Variants in LAMB4 observed in about 807,000 individuals in gnomAD.
The protein encoded by LAMB4 is laminin subunit beta 4.
A neutral mutation model predicts 199.2 loss-of-function variants in LAMB4; 196 were observed. The observed-to-expected ratio is 0.98, with a 90% CI of 0.88 to 1.11. The LOEUF is 1.11. Among genes scored for constraint, LAMB4 ranks in the 50% least tolerant of loss-of-function variants. LAMB4 has a pLI of 0.00. For synonymous variants in LAMB4, 744 were observed against 770.6 expected (o/e 0.97, Z 0.57); for missense variants, 2,080 against 2,171.2 (o/e 0.96, Z 0.83).
At chr7:108,027,162 G>C (rs1314828253) in intron 33 of LAMB4, among the ~76,000 whole-genome samples, 1 of 152,038 alleles carries the variant, frequency 6.6e-6, no homozygotes, top group African/African-American at 2.4e-5. Context: ...TGACTTTCAT[G>C]GTATTGTCTG....
chr7:108,075,715 T>A (rs2150571311), intron 17 of LAMB4: 1 of 152,352 alleles, frequency 6.6e-6, no homozygotes, highest in Non-Finnish European at 1.5e-5. Flanking sequence ...ATCCCAGCAC[T>A]TTGGGAGGCT....
intron 31 of LAMB4, among the ~76,000 whole-genome samples, chr7:108,033,701 G>A (rs905702789): frequency 3.3e-5 from 5 of 149,306 alleles, no homozygotes; most frequent in Non-Finnish European, 5.9e-5. Flanking sequence ...GAGCAACCAT[G>A]CCTGGCCAGA....
chr7:108,039,747 G>A (rs1296963077), intron 29 of LAMB4, among the ~76,000 whole-genome samples: 1 of 152,298 alleles, frequency 6.6e-6, no homozygotes, highest in East Asian at 1.9e-4. Context: ...GGGATTACAG[G>A]CGTGAGCCTC....
intron 17 of LAMB4, among the ~76,000 whole-genome samples, chr7:108,073,206 A>T (rs1219064318): frequency 1.3e-5 from 2 of 152,188 alleles, no homozygotes; most frequent in Non-Finnish European, 2.9e-5. Flanking sequence ...GGGTTTTGCC[A>T]TGTTGGCCAG....
intron 11 of LAMB4, among the ~76,000 whole-genome samples, chr7:108,096,809 T>C (rs1406769619): frequency 6.7e-6 from 1 of 150,064 alleles, no homozygotes; most frequent in Non-Finnish European, 1.5e-5. Context: ...TGGTGGCACA[T>C]GCTTGTAGTT....
chr7:108,024,310 A>G, intron 33 of LAMB4, 132 bp from the exon 34 acceptor site: 1 of 475,936 alleles, frequency 2.1e-6, no homozygotes, highest in Non-Finnish European at 3.6e-6. Context: ...GATTCAATGG[A>G]TAAATCATCT....
chr7:108,087,879 G>A (rs1184532874), intron 14 of LAMB4, among the ~76,000 whole-genome samples: 1 of 152,138 alleles, frequency 6.6e-6, no homozygotes, highest in Admixed American at 6.5e-5. Flanking sequence ...GATTTCTTTG[G>A]GCTTGGTTTT....
chr7:108,012,206 G>A, the LAMB4 span, among the ~76,000 whole-genome samples: 1 of 151,076 alleles, frequency 6.6e-6, no homozygotes, highest in Non-Finnish European at 1.5e-5. Flanking sequence ...TCTAGAAGGA[G>A]ACATAGAAAT....
At chr7:108,011,719 C>T in the LAMB4 span, among the ~76,000 whole-genome samples, 1 of 152,068 alleles carries the variant, frequency 6.6e-6, no homozygotes, top group African/African-American at 2.4e-5. Flanking sequence ...GCACTCGGCC[C>T]ACTCTCATTC....
intron 10 of LAMB4, among the ~76,000 whole-genome samples, chr7:108,100,996 G>C (rs1006675206): frequency 6.6e-6 from 1 of 152,154 alleles, no homozygotes; most frequent in African/African-American, 2.4e-5. Flanking sequence ...ATCACTTAAA[G>C]TTTGAAATCT....
At position 108,119,528 on chromosome 7, in the gene LAMB4, C is replaced by T. The variant is rs74698467; in HGVS notation, c.35-3367G>A. ...CGGAGTGAAAAAAGGTTATGTACTGCATAATTCTATTTGTATCACATTACT... is the reference window on the plus strand; with the variant it reads ...CGGAGTGAAAAAAGGTTATGTACTGTATAATTCTATTTGTATCACATTACT... On this transcript the variant is annotated intron_variant, in intron 2 of 33. Transcript: ENST00000388781. Among the ~76,000 whole-genome samples the T allele has an allele frequency of 2.5e-3, 382 of 152,252 alleles. 12 individuals are homozygous for T. The East Asian group carries it at 0.066, about 26-fold the overall frequency.
chr7:108,037,706 GCCC>G, intron 29 of LAMB4, 111 bp from the exon 30 acceptor site: 2 of 757,080 alleles, frequency 2.6e-6, no homozygotes, highest in Non-Finnish European at 4.5e-6. Context: ...TTGATTATGT[GCCC>G]CTAGAATACA....
In LAMB4 at chr7:108,068,031, G is replaced by A. The variant is rs1350341531; in HGVS notation, c.2431C>T (p.His811Tyr). 6.2e-7 allele frequency: 1 copy of A among 1,614,152 alleles called. No homozygotes were observed. The highest frequency in any genetic ancestry group is 8.5e-7 in the Non-Finnish European group (1 of 1,180,028). Residue 811 changes from histidine to tyrosine, a missense_variant, in exon 19 of 34, where the codon CAT (histidine) becomes TAT (tyrosine). Transcript: ENST00000388781. ...RCSTGSYDLG[H>Y]HGCHPCHCHP... ...TGCTACGTACGGTGACAGCCGTGAT[G>A]CCCCAAATCATAGCTTCCAGTTGAG...
intron 16 of LAMB4, 146 bp downstream of exon 16, chr7:108,078,055 T>C: frequency 1.6e-6 from 1 of 610,230 alleles, no homozygotes; most frequent in Non-Finnish European, 2.9e-6. Flanking sequence ...ATGTAAAGCA[T>C]AGTGCAGCAC....
At chr7:108,088,000 G>T (rs1385792388) in intron 14 of LAMB4, among the ~76,000 whole-genome samples, 1 of 152,038 alleles carries the variant, frequency 6.6e-6, no homozygotes, top group Non-Finnish European at 1.5e-5. Context: ...TTCATTTACG[G>T]CATGTGACTG....
chr7:108,077,049 G>T lies in LAMB4; in HGVS notation c.2019C>A (p.Pro673=). The T allele has an allele frequency of 6.2e-7, 1 of 1,613,654 alleles. No individual in the cohort carries two copies. The highest frequency in any genetic ancestry group is 2.2e-5 in the East Asian group (1 of 44,864). ...CATCTGGTTCTAAACAGATGGGTGT[G>T]GGAAGCAGCATGATTCTGTATTAAG... The part of the protein sequence containing the change: ...LPAATRIMLL[P]TPICLEPDVQ... Residue 673 remains proline (P), a synonymous_variant, in exon 17 of 34, where the codon CCC becomes CCA. Transcript: ENST00000388781.
the LAMB4 span, among the ~76,000 whole-genome samples, chr7:108,016,871 G>T: frequency 1.3e-5 from 2 of 152,118 alleles, no homozygotes; most frequent in Non-Finnish European, 2.9e-5. Flanking sequence ...GTGCCATGTT[G>T]GGATGACTGG....
chr7:108,069,859 T>G lies in LAMB4; in HGVS notation c.2151A>C (p.Ser717=). 6.2e-7 allele frequency: 1 copy of G among 1,613,330 alleles called. No homozygotes were observed. The highest frequency in any genetic ancestry group is 8.5e-7 in the Non-Finnish European group (1 of 1,179,472). Residue 717 remains serine (S), a synonymous_variant, in exon 18 of 34, where the codon TCA becomes TCC. Coordinates refer to ENST00000388781, the MANE Select transcript of LAMB4 (RefSeq NM_007356.3). ...CCTGCTTGCTGCAGAAATTCTCCAATGAATTGATTTGGGGAATAAGGCCAA... is the reference window on the plus strand; with the variant it reads ...CCTGCTTGCTGCAGAAATTCTCCAAGGAATTGATTTGGGGAATAAGGCCAA... ...DSLGLIPQIN[S]LENFCSKQDL...
At chr7:108,087,270 G>A (rs553354963) in intron 14 of LAMB4, among the ~76,000 whole-genome samples, 1 of 152,214 alleles carries the variant, frequency 6.6e-6, no homozygotes, top group Admixed American at 6.5e-5. Context: ...ACTACAATGA[G>A]GGCAGGCTCC....
Sources: allele counts gnomAD v4.1 joint callset (sites outside exome capture counted in the v4.1 genomes callset), GRCh38; gene constraint gnomAD v4.1.1; transcripts MANE v1.5; gene names NCBI Gene and HGNC (gene_info 2026-07-23, HGNC 2026-07-21).